The following HEXA variants were observed in gnomAD, a reference collection of about 807,000 sequenced individuals.
The protein encoded by HEXA is beta-hexosaminidase subunit alpha.
A neutral mutation model predicts 73.3 loss-of-function variants in HEXA; 54 were observed. The ratio of observed to expected loss-of-function variants is 0.74; its 90% CI spans 0.59 to 0.92. The LOEUF is 0.92. Ranked by LOEUF, HEXA falls within the 40% of genes least tolerant of loss-of-function variation. The pLI, the probability that HEXA is intolerant of heterozygous loss-of-function variation, is 0.00. For missense variants in HEXA, 649 were observed against 653.0 expected (o/e 0.99, Z 0.07); for synonymous variants, 230 against 246.9 (o/e 0.93, Z 0.64).
chr15:72,344,288 C>G, intron 13 of HEXA, 148 bp from the exon 14 acceptor site: 2 of 690,606 alleles, frequency 2.9e-6, no homozygotes, highest in Non-Finnish European at 5.3e-6. Flanking sequence ...AATCTCAATT[C>G]CAGAGATTCT....
intron 1 of HEXA, among the ~76,000 whole-genome samples, chr15:72,374,008 CAAA>C (rs550464062): frequency 8.8e-5 from 6 of 68,196 alleles, no homozygotes; most frequent in East Asian, 3.9e-4. Flanking sequence ...GACTCCGTCT[CAAA>C]AAAAAAAAAA....
intron 8 of HEXA, 113 bp downstream of exon 8, chr15:72,348,966 G>A (rs959165388): frequency 1.7e-5 from 15 of 861,458 alleles, no homozygotes; most frequent in Non-Finnish European, 2.4e-5. Flanking sequence ...AGCAATGTGA[G>A]CCCATACAGA....
At chr15:72,355,490 C>T in intron 3 of HEXA, 69 bp downstream of exon 3, 1 of 1,095,518 alleles carries the variant, frequency 9.1e-7, no homozygotes, top group Non-Finnish European at 1.4e-6. Context: ...TGGGCCACTG[C>T]ACTCCACCAA....
At chr15:72,346,177 T>C (rs1329670724) in intron 12 of HEXA, 58 bp downstream of exon 12, 22 of 1,308,372 alleles carry the variant, frequency 1.7e-5, no homozygotes, top group African/African-American at 2.9e-5. Flanking sequence ...ATTGGGTCTC[T>C]AAGGGAGAAC....
chr15:72,362,191 A>G (rs896455303), intron 1 of HEXA, among the ~76,000 whole-genome samples: 10 of 152,224 alleles, frequency 6.6e-5, no homozygotes, highest in African/African-American at 1.2e-4. Flanking sequence ...CAATTGAAAC[A>G]AACTTTGCCT....
intron 1 of HEXA, among the ~76,000 whole-genome samples, chr15:72,365,597 T>C (rs990516948): frequency 2.0e-5 from 3 of 152,188 alleles, no homozygotes; most frequent in Admixed American, 6.5e-5. Context: ...ATAATAATAG[T>C]TTCCTTCATT....
At chr15:72,366,734 T>C (rs1231592313) in intron 1 of HEXA, among the ~76,000 whole-genome samples, 2 of 152,114 alleles carry the variant, frequency 1.3e-5, no homozygotes, top group Non-Finnish European at 2.9e-5. Context: ...TTAGCAGTCA[T>C]CCAACAACAT....
rs1381328683 is a variant in HEXA, at chr15:72,375,887, T to C, written c.86A>G (p.Asn29Ser). 1 of 1,614,236 alleles carries C rather than the reference T, an allele frequency of 6.2e-7. No individual in the cohort carries two copies. Among genetic ancestry groups the C allele is most frequent in the South Asian group, 1.1e-5 (1 of 91,092 alleles). Residue 29 changes from asparagine to serine, a missense_variant, in exon 1 of 14, where the codon AAC becomes AGC. Transcript: ENST00000268097. ...GTAGCGCTGGTCGGAGGTTTGGAAGTTCTGAGGCCAGGGCCAGAGGGCCGT... is the reference window on the plus strand; with the variant it reads ...GTAGCGCTGGTCGGAGGTTTGGAAGCTCTGAGGCCAGGGCCAGAGGGCCGT... Reference protein sequence around the residue: ...RATALWPWPQNFQTSDQRYVL... With the variant: ...RATALWPWPQSFQTSDQRYVL...
Position 72,343,888 on chromosome 15 carries a change from A to G in HEXA, c.*189T>C. On this transcript the variant is annotated 3_prime_UTR_variant, in exon 14 of 14. Transcript: ENST00000268097. The stretch of plus-strand genomic sequence containing the variant: ...TTTTAAACACAGGTAATCCATGTTT[A>G]TTATAGAAAAATGCCACATTACTCT... The G allele has an allele frequency of 5.2e-6, 3 of 579,262 alleles. No individual in the cohort carries two copies. The highest frequency in any genetic ancestry group is 1.9e-5 in the South Asian group (1 of 53,756). The allele number at this position is 579,262 out of a possible 1,614,324, so 35.9% of individuals were successfully genotyped here. A position where few individuals can be genotyped will look rare whatever the true frequency, so the allele number is the denominator to read the frequency against.
At chr15:72,356,102 T>G (rs780743011) in intron 2 of HEXA, 4 of 386,932 alleles carry the variant, frequency 1.0e-5, no homozygotes, top group East Asian at 7.0e-5. Context: ...ACTGTTCACT[T>G]TGGAGACTGA....
intron 1 of HEXA, among the ~76,000 whole-genome samples, chr15:72,367,177 A>G (rs1167299399): frequency 6.6e-6 from 1 of 152,146 alleles, no homozygotes; most frequent in African/African-American, 2.4e-5. Context: ...TCTCGACCTC[A>G]GGTAATCCAC....
chr15:72,347,865 A>G, intron 9 of HEXA, 107 bp from the exon 10 acceptor site: 1 of 1,128,554 alleles, frequency 8.9e-7, no homozygotes. Context: ...CCTATTCCTC[A>G]TTAAGCAGTG....
intron 13 of HEXA, among the ~76,000 whole-genome samples, chr15:72,344,885 T>C (rs2088589858): frequency 6.6e-6 from 1 of 152,212 alleles, no homozygotes; most frequent in South Asian, 2.1e-4. Context: ...ATCCTGTAAG[T>C]CAGCCTGGTT....
rs746942625 is a variant in HEXA, at chr15:72,350,528, G to A, written c.795C>T (p.Ser265=). ...AGACATCATTCTTACCTGGTCCCCAGGACAAAGTGTGGCCAGGAGTGTCAA... is the reference window on the plus strand; with the variant it reads ...AGACATCATTCTTACCTGGTCCCCAAGACAAAGTGTGGCCAGGAGTGTCAA... The part of the protein sequence containing the change: ...AEFDTPGHTL[S]WGPGIPGLLT... The change falls in exon 7 of 14, where the codon TCC becomes TCT. Residue 265 remains serine, a synonymous_variant. Coordinates refer to ENST00000268097, the MANE Select transcript of HEXA (RefSeq NM_000520.6). 2.5e-6 allele frequency: 4 copies of A among 1,614,114 alleles called. No individual in the cohort carries two copies. The East Asian group carries it at 6.7e-5, about 27-fold the overall frequency.
intron 10 of HEXA, among the ~76,000 whole-genome samples, chr15:72,347,098 T>A (rs1314526759): frequency 6.7e-6 from 1 of 148,644 alleles, no homozygotes; most frequent in Non-Finnish European, 1.5e-5. Context: ...ATCTTACTGA[T>A]CAACAATAAA....
chr15:72,374,153 GGTC>G (rs2089028282), intron 1 of HEXA, among the ~76,000 whole-genome samples: 1 of 152,060 alleles, frequency 6.6e-6, no homozygotes, highest in African/African-American at 2.4e-5. Context: ...CCTAGGCCTA[GGTC>G]TTAAGACTTT....
Position 72,343,989 on chromosome 15 carries a change from A to G in HEXA, c.*88T>C. Reference sequence around the variant, plus strand: ...CACGCAGGCAAGGGGCACGAAGGCAAGGGGCTCCGTCCCCTGGCCAGGATG... The same window carrying G: ...CACGCAGGCAAGGGGCACGAAGGCAGGGGGCTCCGTCCCCTGGCCAGGATG... On this transcript the variant is annotated 3_prime_UTR_variant, in exon 14 of 14. Transcript: ENST00000268097. 8.6e-7 allele frequency: 1 copy of G among 1,156,838 alleles called. No homozygotes were observed. Among genetic ancestry groups the G allele is most frequent in the African/African-American group, 1.5e-5 (1 of 66,118 alleles). The allele number at this position is 1,156,838 out of a possible 1,614,324, so 71.7% of individuals were successfully genotyped here. A position where few individuals can be genotyped will look rare whatever the true frequency, so the allele number is the denominator to read the frequency against.
At position 72,374,008 on chromosome 15, in the gene HEXA, C is replaced by CAA. The variant is rs550464062; in HGVS notation, c.253+1710_253+1711dup. ...TGAGTGATAAAGCGAGACTCCGTCT[C>CAA]AAAAAAAAAAAAAAAAAGGAAAGGA... On this transcript the variant is annotated intron_variant, in intron 1 of 13. Coordinates refer to ENST00000268097, the MANE Select transcript of HEXA (RefSeq NM_000520.6). Among the ~76,000 whole-genome samples, 152 of 68,168 alleles carry CAA rather than the reference C, an allele frequency of 2.2e-3. 2 individuals carry two copies. Among genetic ancestry groups the CAA allele is most frequent in the African/African-American group, 5.3e-3 (113 of 21,204 alleles). 44.7% of individuals were successfully genotyped at this position (68,168 alleles called of 152,430 possible).
chr15:72,353,946 G>T, intron 3 of HEXA: 1 of 625,178 alleles, frequency 1.6e-6, no homozygotes, highest in South Asian at 1.9e-5. Context: ...TTTGGGAGAT[G>T]TCAGAGTAAG....
Sources: gnomAD v4.1 joint callset for allele counts (sites outside exome capture counted in the v4.1 genomes callset) on GRCh38, gnomAD v4.1.1 for gene constraint, MANE v1.5 for transcripts, NCBI Gene and HGNC (gene_info 2026-07-23, HGNC 2026-07-21) for gene names.